The following DIAPH1 variants were observed in gnomAD, a reference collection of about 807,000 sequenced individuals.
DIAPH1 encodes protein diaphanous homolog 1.
In DIAPH1, 46 loss-of-function variants were observed where a neutral mutation model predicts 140.7. The observed-to-expected ratio is 0.33, with a 90% CI of 0.26 to 0.42. The LOEUF is 0.42. Among genes scored for constraint, DIAPH1 ranks in the 10% least tolerant of loss-of-function variants. The pLI is 1.00. For missense variants in DIAPH1, 1,310 were observed against 1,558.7 expected (o/e 0.84, Z 2.69); for synonymous variants, 565 against 551.6 (o/e 1.02, Z -0.34).
At chr5:141,571,309 A>G (rs2099895145) in intron 18 of DIAPH1, 119 bp downstream of exon 18, 1 of 862,036 alleles carries the variant, frequency 1.2e-6, no homozygotes, top group Non-Finnish European at 1.8e-6. Context: ...CACCTAGCAA[A>G]GACAAGTCAA....
Position 141,572,030 on chromosome 5 carries a change from T to G in DIAPH1, c.2369A>C (p.Glu790Ala). ...CCAGAAGCAGTCCTGGGAGAGGTCC[T>G]CAGCCACAAGCTGTGGATAAAGGCA... ...RRPNWSKLVA[E>A]DLSQDCFWTK... The change falls in exon 17 of 28, where the codon GAG (glutamate) becomes GCG (alanine). Residue 790 changes from glutamate to alanine, a missense_variant. Around this residue, in one of 3 missense-constraint regions of DIAPH1, gnomAD observed 589 missense variants for 549.3 expected, o/e 1.07. Transcript: ENST00000389054. 1 of 1,612,432 alleles carries G rather than the reference T, an allele frequency of 6.2e-7. No individual in the cohort carries two copies. Among genetic ancestry groups the G allele is most frequent in the Non-Finnish European group, 8.5e-7 (1 of 1,178,430 alleles).
intron 11 of DIAPH1, among the ~76,000 whole-genome samples, chr5:141,577,827 A>C (rs542286352): frequency 1.3e-5 from 2 of 152,226 alleles, no homozygotes; most frequent in Non-Finnish European, 2.9e-5. Flanking sequence ...CTTGGCTTGA[A>C]GATCAGGCAG....
rs115500304 is a variant in DIAPH1, at chr5:141,522,697, A to G, written c.3661+1446T>C. Reference sequence around the variant, plus strand: ...AGGAAATAATGTTGTAAGAACCTATAAAGACAAAATACAGGAGTAATAGTA... The same window carrying G: ...AGGAAATAATGTTGTAAGAACCTATGAAGACAAAATACAGGAGTAATAGTA... On this transcript the variant is annotated intron_variant, in intron 27 of 27. Transcript: ENST00000389054. 2.5e-3 allele frequency among the ~76,000 whole-genome samples: 379 copies of G among 152,320 alleles called. 4 individuals are homozygous for G. Among genetic ancestry groups the G allele is most frequent in the African/African-American group, 8.7e-3 (363 of 41,570 alleles).
chr5:141,576,062 T>C (rs955218049), intron 14 of DIAPH1, among the ~76,000 whole-genome samples, 168 bp downstream of exon 14: 4 of 152,200 alleles, frequency 2.6e-5, no homozygotes, highest in Non-Finnish European at 4.4e-5. Flanking sequence ...TCCATATCAC[T>C]TTCTCCAATG....
At chr5:141,591,712 A>ATATATT (rs1554211015) in intron 1 of DIAPH1, among the ~76,000 whole-genome samples, 4 of 71,674 alleles carry the variant, frequency 5.6e-5, no homozygotes, top group Admixed American at 3.9e-4. Context: ...ATATATATAT[A>ATATATT]TATATATATA....
intron 27 of DIAPH1, among the ~76,000 whole-genome samples, chr5:141,517,546 G>A (rs546422556): frequency 3.5e-4 from 54 of 152,184 alleles, no homozygotes; most frequent in African/African-American, 8.9e-4. Context: ...CACTGACACC[G>A]CACTCCCACG....
chr5:141,525,933 T>A, intron 26 of DIAPH1, 105 bp downstream of exon 26: 1 of 1,578,658 alleles, frequency 6.3e-7, no homozygotes, highest in South Asian at 1.1e-5. Context: ...CAAAAATCAT[T>A]TGCCAGGAGG....
chr5:141,546,237 C>G (rs947412257), intron 18 of DIAPH1, among the ~76,000 whole-genome samples: 4 of 152,044 alleles, frequency 2.6e-5, no homozygotes, highest in African/African-American at 9.6e-5. Context: ...CAAAAATTAG[C>G]CAGGCATGGT....
At chr5:141,538,140 A>G (rs558692923) in intron 18 of DIAPH1, among the ~76,000 whole-genome samples, 13 of 151,098 alleles carry the variant, frequency 8.6e-5, no homozygotes, top group Non-Finnish European at 1.5e-4. Context: ...GGCTCACTGC[A>G]AGCTCCGCCT....
chr5:141,546,890 A>G (rs2154595527), intron 18 of DIAPH1, among the ~76,000 whole-genome samples: 1 of 152,344 alleles, frequency 6.6e-6, no homozygotes, highest in South Asian at 2.1e-4. Flanking sequence ...CTAGAGAGGA[A>G]AGTGTGACTT....
At chr5:141,611,348 T>C (rs1301870077) in intron 1 of DIAPH1, among the ~76,000 whole-genome samples, 4 of 151,898 alleles carry the variant, frequency 2.6e-5, no homozygotes, top group East Asian at 1.9e-4. Flanking sequence ...TGAAAAAAAA[T>C]TGGACTCCAT....
intron 12 of DIAPH1, among the ~76,000 whole-genome samples, chr5:141,577,113 T>C (rs1457365521): frequency 6.6e-6 from 1 of 152,228 alleles, no homozygotes; most frequent in African/African-American, 2.4e-5. Flanking sequence ...TACTTTCCCA[T>C]CTAAAAATTT....
At chr5:141,615,157 C>T (rs1355972605) in intron 1 of DIAPH1, among the ~76,000 whole-genome samples, 3 of 152,068 alleles carry the variant, frequency 2.0e-5, no homozygotes, top group African/African-American at 4.8e-5. Context: ...TTCTCTTGGC[C>T]GGACGAGGTG....
intron 1 of DIAPH1, among the ~76,000 whole-genome samples, chr5:141,597,420 C>T (rs1003185715): frequency 2.6e-5 from 4 of 152,176 alleles, no homozygotes; most frequent in Non-Finnish European, 4.4e-5. Context: ...CAAAAACTAT[C>T]AATCAAATGT....
intron 15 of DIAPH1, 94 bp from the exon 16 acceptor site, chr5:141,574,302 T>A: frequency 7.8e-7 from 1 of 1,276,806 alleles, no homozygotes; most frequent in East Asian, 2.3e-5. Flanking sequence ...TCCAAACTTC[T>A]CATGTTACAA....
intron 11 of DIAPH1, 81 bp downstream of exon 11, chr5:141,578,142 TCC>T (rs898797873): frequency 4.3e-5 from 44 of 1,032,136 alleles, no homozygotes; most frequent in Admixed American, 6.7e-5. Context: ...AGTCATCATC[TCC>T]CAAACCATTC....
At chr5:141,573,099 T>C (rs529755044) in intron 16 of DIAPH1, among the ~76,000 whole-genome samples, 1 of 152,268 alleles carries the variant, frequency 6.6e-6, no homozygotes, top group East Asian at 1.9e-4. Context: ...GCGTAGCCCA[T>C]CCATGCACAA....
chr5:141,555,316 C>A lies in DIAPH1; in HGVS notation c.2482+16112G>T, dbSNP rs146340086. Among the ~76,000 whole-genome samples, 123 of 152,286 alleles carry A rather than the reference C, an allele frequency of 8.1e-4. 2 individuals carry two copies. Among genetic ancestry groups the A allele is most frequent in the African/African-American group, 2.8e-3 (118 of 41,544 alleles). On this transcript the variant is annotated intron_variant, in intron 18 of 27. Transcript: ENST00000389054. ...GGTAAGACAGATATGGCTCTGGGCA[C>A]CACCTATTTTATTTTCATATCCTTA...
chr5:141,515,182 A>G lies in DIAPH1; in HGVS notation c.*1669T>C, dbSNP rs2099885490. 1 of 152,468 alleles carries G rather than the reference A, an allele frequency of 6.6e-6. No individual in the cohort carries two copies. The highest frequency in any genetic ancestry group is 2.1e-4 in the South Asian group (1 of 4,814). The allele number at this position is 152,468 out of a possible 1,614,324, so 9.4% of individuals were successfully genotyped here. On this transcript the variant is annotated 3_prime_UTR_variant, in exon 28 of 28. Coordinates refer to ENST00000389054, the MANE Select transcript of DIAPH1 (RefSeq NM_005219.5). ...ATTAAATGCATCTTAGCAAAAGTAG[A>G]TTAAAAAAGAAAGGGTCAAAGCCCC...
Sources: gnomAD v4.1 joint callset for allele counts (sites outside exome capture counted in the v4.1 genomes callset) on GRCh38, gnomAD v4.1.1 for gene constraint, gnomAD v4.1.1 regional missense constraint, MANE v1.5 for transcripts, NCBI Gene and HGNC (gene_info 2026-07-23, HGNC 2026-07-21) for gene names.